The following CDC42SE2 variants were observed in gnomAD, a reference collection of about 807,000 sequenced individuals.
CDC42SE2 encodes CDC42 small effector protein 2.
In CDC42SE2, 3 loss-of-function variants were observed where a neutral mutation model predicts 11.5. That is an observed-to-expected ratio of 0.26 (90% CI 0.12 to 0.67). The LOEUF (loss-of-function observed/expected upper bound fraction) is 0.67, where lower values mean the gene tolerates loss of function less well. Ranked by LOEUF, CDC42SE2 falls within the 30% of genes least tolerant of loss-of-function variation. CDC42SE2 has a pLI of 0.80. For synonymous variants in CDC42SE2, 33 were observed against 34.8 expected (o/e 0.95, Z 0.18); for missense variants, 82 against 106.8 (o/e 0.77, Z 1.02).
intron 2 of CDC42SE2, among the ~76,000 whole-genome samples, chr5:131,346,067 A>G (rs372136163): frequency 3.3e-5 from 5 of 152,236 alleles, no homozygotes; most frequent in Non-Finnish European, 7.3e-5. Context: ...TATAAAGACT[A>G]TCAATGCTAG....
At chr5:131,348,693 A>G (rs1438281867) in intron 2 of CDC42SE2, among the ~76,000 whole-genome samples, 1 of 152,196 alleles carries the variant, frequency 6.6e-6, no homozygotes, top group African/African-American at 2.4e-5. Flanking sequence ...AGTCAATCCT[A>G]AGCCAAAAGA....
In CDC42SE2 at chr5:131,391,029, G is replaced by A; in HGVS notation, c.193G>A (p.Gly65Ser). ...TCAGAACCAAATGCAGTCCAAGGGA[G>A]GTTATGGAGGTGGAATGCCTGCCAA... Reference protein sequence around the residue: ...SIQNQMQSKGGYGGGMPANVQ... With the variant: ...SIQNQMQSKGSYGGGMPANVQ... Residue 65 changes from glycine to serine, a missense_variant, in exon 5 of 5, where the codon GGT becomes AGT. Coordinates refer to ENST00000505065, the MANE Select transcript of CDC42SE2 (RefSeq NM_001375635.1). 6.2e-7 allele frequency: 1 copy of A among 1,613,286 alleles called. No homozygotes were observed. The highest frequency in any genetic ancestry group is 8.5e-7 in the Non-Finnish European group (1 of 1,179,424).
chr5:131,342,205 G>T lies in CDC42SE2; in HGVS notation c.-285-17004G>T, dbSNP rs534418388. Among the ~76,000 whole-genome samples, 4 of 147,520 alleles carry T rather than the reference G, an allele frequency of 2.7e-5. No homozygotes were observed. In the East Asian group the frequency reaches 8.5e-4, roughly 31 times the overall value. On this transcript the variant is annotated intron_variant, in intron 2 of 4. Transcript: ENST00000505065. ...TGAGGCAGGATAATCACTTGAACTG[G>T]GGGGGTGGAGGTTGCAGTGAGTTGA... is the stretch of plus-strand genomic sequence containing the variant.
chr5:131,248,014 A>T (rs1024893610), intron 1 of CDC42SE2, among the ~76,000 whole-genome samples: 1 of 152,112 alleles, frequency 6.6e-6, no homozygotes, highest in African/African-American at 2.4e-5. Flanking sequence ...TTAAATAATT[A>T]AAAAATTTTA....
rs1458601142 is a variant in CDC42SE2, at chr5:131,394,032, A to C, written c.*2941A>C. On this transcript the variant is annotated 3_prime_UTR_variant, in exon 5 of 5. Transcript: ENST00000505065. ...CAAGAAATAAGAAAACTACAAAAAA[A>C]GATACGGTATTAACCTTGGACATAA... 4 of 152,318 alleles carry C rather than the reference A, an allele frequency of 2.6e-5. No homozygotes were observed. The highest frequency in any genetic ancestry group is 9.7e-5 in the African/African-American group (4 of 41,438). The allele number at this position is 152,318 out of a possible 1,614,324, so 9.4% of individuals were successfully genotyped here.
At chr5:131,215,816 T>G in the CDC42SE2 span, among the ~76,000 whole-genome samples, 1 of 152,266 alleles carries the variant, frequency 6.6e-6, no homozygotes, top group Admixed American at 6.5e-5. Flanking sequence ...CTCTATTTTA[T>G]TAAAGAATTA....
chr5:131,315,357 C>T (rs918095076), intron 1 of CDC42SE2, among the ~76,000 whole-genome samples: 25 of 152,224 alleles, frequency 1.6e-4, no homozygotes, highest in African/African-American at 5.8e-4. Context: ...ATCCTCAAGG[C>T]AGAGAAACAT....
At chr5:131,337,345 G>A (rs1758594273) in intron 2 of CDC42SE2, among the ~76,000 whole-genome samples, 1 of 152,208 alleles carries the variant, frequency 6.6e-6, no homozygotes, top group Non-Finnish European at 1.5e-5. Context: ...TCTCAGAGGA[G>A]TACCCGGCCA....
At chr5:131,337,163 T>TGA (rs1758588833) in intron 2 of CDC42SE2, among the ~76,000 whole-genome samples, 1 of 152,252 alleles carries the variant, frequency 6.6e-6, no homozygotes, top group Non-Finnish European at 1.5e-5. Flanking sequence ...ATGTCCTTTC[T>TGA]GTTTGTTAGT....
chr5:131,326,761 T>A (rs941424577), intron 2 of CDC42SE2, among the ~76,000 whole-genome samples: 2 of 152,104 alleles, frequency 1.3e-5, no homozygotes, highest in Non-Finnish European at 2.9e-5. Context: ...ACCTTAAATT[T>A]TGTTATATTT....
chr5:131,333,320 G>T (rs1329190762), intron 2 of CDC42SE2, among the ~76,000 whole-genome samples: 1 of 152,074 alleles, frequency 6.6e-6, no homozygotes, highest in Non-Finnish European at 1.5e-5. Flanking sequence ...CTGTTCCATT[G>T]GTCTATATCT....
At chr5:131,363,266 G>GAAAA (rs35198617) in intron 3 of CDC42SE2, among the ~76,000 whole-genome samples, 2 of 138,986 alleles carry the variant, frequency 1.4e-5, no homozygotes, top group African/African-American at 2.5e-5. Flanking sequence ...CTGATTTACA[G>GAAAA]AAAAAAAAAA....
At chr5:131,373,928 T>C (rs572963680) in intron 3 of CDC42SE2, among the ~76,000 whole-genome samples, 2 of 151,970 alleles carry the variant, frequency 1.3e-5, no homozygotes, top group Non-Finnish European at 2.9e-5. Context: ...AAGAAAAATA[T>C]AAAGAAATGT....
intron 3 of CDC42SE2, among the ~76,000 whole-genome samples, chr5:131,368,178 G>C (rs1749913866): frequency 1.3e-5 from 2 of 150,924 alleles, no homozygotes. Flanking sequence ...GCGTGAACCT[G>C]GGAGGCGGAG....
Position 131,342,388 on chromosome 5 carries a change from C to CTTTTTTTT in CDC42SE2, c.-285-16809_-285-16802dup, listed in dbSNP as rs35818778. 3.6e-3 allele frequency among the ~76,000 whole-genome samples: 401 copies of CTTTTTTTT among 111,290 alleles called. 45 individuals are homozygous for CTTTTTTTT. The highest frequency in any genetic ancestry group is 0.017 in the African/African-American group (373 of 22,556). 73.0% of individuals were successfully genotyped at this position (111,290 alleles called of 152,430 possible). On this transcript the variant is annotated intron_variant, in intron 2 of 4. Coordinates refer to ENST00000505065, the MANE Select transcript of CDC42SE2 (RefSeq NM_001375635.1). The stretch of plus-strand genomic sequence containing the variant: ...TCAGAGATTTGCCATTTTTAATAGT[C>CTTTTTTTT]TTTTTTTTTTTTTTTTTTTAAGATA...
At chr5:131,290,117 G>A (rs1002132258) in intron 1 of CDC42SE2, among the ~76,000 whole-genome samples, 2 of 152,024 alleles carry the variant, frequency 1.3e-5, no homozygotes, top group African/African-American at 4.8e-5. Context: ...AAAGTGCTAC[G>A]ATTATAGGTG....
the CDC42SE2 span, among the ~76,000 whole-genome samples, chr5:131,218,096 AG>A: frequency 6.8e-6 from 1 of 146,148 alleles, no homozygotes; most frequent in Non-Finnish European, 1.5e-5. Flanking sequence ...GGATCACTTG[AG>A]TCGGGGAGGT....
At chr5:131,285,689 A>G (rs1021539733) in intron 1 of CDC42SE2, among the ~76,000 whole-genome samples, 12 of 152,210 alleles carry the variant, frequency 7.9e-5, no homozygotes, top group Admixed American at 5.2e-4. Context: ...GGTACTTACA[A>G]AATCATTGCA....
chr5:131,375,993 C>G (rs1750140203), intron 3 of CDC42SE2, among the ~76,000 whole-genome samples: 1 of 152,098 alleles, frequency 6.6e-6, no homozygotes, highest in Non-Finnish European at 1.5e-5. Context: ...AATCTCAGCA[C>G]TTTAGGAGGC....
Sources: gnomAD v4.1 joint callset for allele counts (sites outside exome capture counted in the v4.1 genomes callset) on GRCh38, gnomAD v4.1.1 for gene constraint, MANE v1.5 for transcripts, NCBI Gene and HGNC (gene_info 2026-07-23, HGNC 2026-07-21) for gene names.